Variants in PCDH9 observed in about 807,000 individuals in gnomAD.
PCDH9 encodes protocadherin 9, also known as protocadherin-9.
PCDH9 carries 24 observed loss-of-function variants against 70.6 expected under a neutral mutation model. That is an observed-to-expected ratio of 0.34 (90% CI 0.25 to 0.48). The LOEUF is 0.48. PCDH9 is among the 20% of genes least tolerant of loss of function. The pLI, the probability that PCDH9 is intolerant of heterozygous loss-of-function variation, is 0.99. For missense variants in PCDH9, 1,281 were observed against 1,503.6 expected (o/e 0.85, Z 2.45); for synonymous variants, 562 against 558.5 (o/e 1.01, Z -0.09).
intron 4 of PCDH9, among the ~76,000 whole-genome samples, chr13:66,375,493 T>G (rs942852094): frequency 6.6e-6 from 1 of 152,100 alleles, no homozygotes; most frequent in Non-Finnish European, 1.5e-5. Context: ...CCTATATACT[T>G]TAATGCAACT....
chr13:66,949,351 A>T (rs2083140761), intron 2 of PCDH9, among the ~76,000 whole-genome samples: 1 of 152,152 alleles, frequency 6.6e-6, no homozygotes. Flanking sequence ...AATTTGTTCC[A>T]GTCATCAAAA....
chr13:67,058,313 C>T (rs2085462913), intron 2 of PCDH9, among the ~76,000 whole-genome samples: 2 of 152,108 alleles, frequency 1.3e-5, no homozygotes, highest in Non-Finnish European at 2.9e-5. Flanking sequence ...AGCCACAAAA[C>T]CAGTGTCTTA....
chr13:66,578,865 C>A (rs1308960826), intron 4 of PCDH9, among the ~76,000 whole-genome samples: 2 of 152,096 alleles, frequency 1.3e-5, no homozygotes, highest in Non-Finnish European at 2.9e-5. Context: ...ACTAGCCACA[C>A]TTTCCTCTTC....
chr13:66,468,379 T>C (rs1397450101), intron 4 of PCDH9, among the ~76,000 whole-genome samples: 1 of 152,098 alleles, frequency 6.6e-6, no homozygotes, highest in Non-Finnish European at 1.5e-5. Flanking sequence ...CAATGACCTG[T>C]CAAGTCTCAA....
chr13:66,746,599 A>G (rs979778146), intron 3 of PCDH9, among the ~76,000 whole-genome samples: 2 of 152,186 alleles, frequency 1.3e-5, no homozygotes, highest in Non-Finnish European at 2.9e-5. Flanking sequence ...AGCCTTAAAT[A>G]CTTTGAGAAA....
chr13:66,410,689 C>T (rs1017372596), intron 4 of PCDH9, among the ~76,000 whole-genome samples: 3 of 152,154 alleles, frequency 2.0e-5, no homozygotes, highest in African/African-American at 7.2e-5. Flanking sequence ...AGCTGAATAT[C>T]GCTCACTGAA....
At chr13:67,098,136 C>G (rs958581286) in intron 2 of PCDH9, among the ~76,000 whole-genome samples, 6 of 152,094 alleles carry the variant, frequency 3.9e-5, no homozygotes, top group Admixed American at 1.3e-4. Flanking sequence ...AACAAACAAG[C>G]AGCGGGAACA....
Position 67,212,705 on chromosome 13 carries a change from T to C in PCDH9, c.3036+12700A>G, listed in dbSNP as rs147546639. On this transcript the variant is annotated intron_variant, in intron 2 of 4. Transcript: ENST00000377865. ...TTAGGGAAAATAGAATATCGTTCAG[T>C]AGTCTAGTGATAAGTTTGGATATCA... 2.7e-4 allele frequency: 41 copies of C among 152,316 alleles called. No individual in the cohort carries two copies. The East Asian group carries it at 7.5e-3, about 28-fold the overall frequency. The allele number at this position is 152,316 out of a possible 1,614,324, so 9.4% of individuals were successfully genotyped here.
chr13:66,307,200 G>A (rs942318542), intron 4 of PCDH9, among the ~76,000 whole-genome samples: 1 of 151,790 alleles, frequency 6.6e-6, no homozygotes, highest in Non-Finnish European at 1.5e-5. Flanking sequence ...AGGGGGTTCC[G>A]TACATTTGCA....
intron 3 of PCDH9, among the ~76,000 whole-genome samples, chr13:66,680,609 A>T (rs2078305988): frequency 6.6e-6 from 1 of 151,914 alleles, no homozygotes; most frequent in East Asian, 1.9e-4. Context: ...GGTTGCTGCT[A>T]TAAAGTAAAA....
intron 2 of PCDH9, among the ~76,000 whole-genome samples, chr13:67,100,283 A>C (rs2086405812): frequency 6.6e-6 from 1 of 152,200 alleles, no homozygotes; most frequent in African/African-American, 2.4e-5. Flanking sequence ...AAAAATAATA[A>C]AGAGGTAATT....
At chr13:66,377,924 A>G (rs1956778468) in intron 4 of PCDH9, among the ~76,000 whole-genome samples, 1 of 152,058 alleles carries the variant, frequency 6.6e-6, no homozygotes, top group Admixed American at 6.6e-5. Context: ...TTTTAGGTGT[A>G]GTCACTGTCA....
chr13:66,435,255 T>G (rs1442397031), intron 4 of PCDH9, among the ~76,000 whole-genome samples: 1 of 152,182 alleles, frequency 6.6e-6, no homozygotes, highest in Non-Finnish European at 1.5e-5. Context: ...TGTCTATATC[T>G]GGTTTCTTTT....
chr13:67,149,836 T>A (rs1397563830), intron 2 of PCDH9, among the ~76,000 whole-genome samples: 1 of 152,130 alleles, frequency 6.6e-6, no homozygotes, highest in Non-Finnish European at 1.5e-5. Flanking sequence ...CAAATTAGCA[T>A]GTTTAATCGT....
At chr13:67,176,152 T>C (rs2088447321) in intron 2 of PCDH9, among the ~76,000 whole-genome samples, 2 of 152,128 alleles carry the variant, frequency 1.3e-5, no homozygotes, top group South Asian at 2.1e-4. Context: ...TTTCAATCCT[T>C]TATAAGGCCT....
At chr13:66,644,039 T>C (rs1250167394) in intron 3 of PCDH9, among the ~76,000 whole-genome samples, 1 of 151,964 alleles carries the variant, frequency 6.6e-6, no homozygotes, top group South Asian at 2.1e-4. Context: ...CTAAAATTTA[T>C]ACATAGGCTC....
intron 3 of PCDH9, among the ~76,000 whole-genome samples, chr13:66,778,423 A>T (rs2079936294): frequency 6.6e-6 from 1 of 152,122 alleles, no homozygotes; most frequent in Admixed American, 6.5e-5. Context: ...TAGCTCATGA[A>T]TATTTCTTCA....
chr13:66,677,927 T>C (rs1259440054), intron 3 of PCDH9, among the ~76,000 whole-genome samples: 1 of 152,176 alleles, frequency 6.6e-6, no homozygotes, highest in Non-Finnish European at 1.5e-5. Context: ...GCTTCAGTGA[T>C]AGTTGGTTTC....
chr13:66,395,590 C>T (rs986682397), intron 4 of PCDH9, among the ~76,000 whole-genome samples: 3 of 151,520 alleles, frequency 2.0e-5, no homozygotes, highest in African/African-American at 7.3e-5. Context: ...CATAGTAAGA[C>T]TCTGTCTCAA....
Sources: allele counts gnomAD v4.1 joint callset (sites outside exome capture counted in the v4.1 genomes callset), GRCh38; gene constraint gnomAD v4.1.1; transcripts MANE v1.5; gene names NCBI Gene and HGNC (gene_info 2026-07-23, HGNC 2026-07-21).